NRG1: variants seen among roughly 807,000 people sequenced by gnomAD.
The protein encoded by NRG1 is pro-neuregulin-1, membrane-bound isoform.
A neutral mutation model predicts 63.8 loss-of-function variants in NRG1; 18 were observed. That is an observed-to-expected ratio of 0.28 (90% CI 0.19 to 0.42). NRG1 has a LOEUF of 0.42. NRG1 is among the 10% of genes least tolerant of loss of function. The pLI is 1.00. For missense variants in NRG1, 762 were observed against 814.7 expected (o/e 0.94, Z 0.79); for synonymous variants, 302 against 301.3 (o/e 1.00, Z -0.02).
At chr8:32,634,581 C>T (rs1334957161) in intron 5 of NRG1, among the ~76,000 whole-genome samples, 1 of 152,342 alleles carries the variant, frequency 6.6e-6, no homozygotes. Context: ...AAAAGCTAAA[C>T]TGATCGGAGA....
At chr8:32,488,503 CA>C (rs1407385510) in intron 1 of NRG1, among the ~76,000 whole-genome samples, 36 of 152,164 alleles carry the variant, frequency 2.4e-4, no homozygotes, top group Admixed American at 2.4e-3. Flanking sequence ...AGGCTGGGCA[CA>C]GTGGCTCACA....
chr8:32,769,037 A>C (rs1369428725), downstream of NRG1, among the ~76,000 whole-genome samples: 6 of 152,216 alleles, frequency 3.9e-5, no homozygotes, highest in Non-Finnish European at 8.8e-5. Context: ...TTTAGTTTTC[A>C]TGCACATACA....
At chr8:31,665,553 A>G (rs1158093087) in intron 1 of NRG1, among the ~76,000 whole-genome samples, 2 of 152,236 alleles carry the variant, frequency 1.3e-5, no homozygotes, top group Admixed American at 1.3e-4. Flanking sequence ...GAGCTGCAAA[A>G]GGAATGATTT....
At chr8:32,245,249 C>A (rs1385213943) in intron 1 of NRG1, among the ~76,000 whole-genome samples, 1 of 152,126 alleles carries the variant, frequency 6.6e-6, no homozygotes, top group African/African-American at 2.4e-5. Context: ...AGAGTTCCAA[C>A]AGGAATCTGG....
intron 5 of NRG1, among the ~76,000 whole-genome samples, chr8:32,712,434 G>A (rs1289825771): frequency 6.6e-6 from 1 of 152,070 alleles, no homozygotes; most frequent in African/African-American, 2.4e-5. Flanking sequence ...AAGTGAAGGG[G>A]AATTTAGTAT....
At chr8:32,305,622 C>T (rs957546421) in intron 1 of NRG1, among the ~76,000 whole-genome samples, 6 of 152,320 alleles carry the variant, frequency 3.9e-5, no homozygotes, top group Admixed American at 3.9e-4. Context: ...CTTCACCAGC[C>T]TTGGTTTGCC....
exon 1 of NRG1, chr8:32,548,732 C>T: frequency 2.5e-6 from 4 of 1,582,648 alleles, no homozygotes; most frequent in Non-Finnish European, 3.4e-6. Flanking sequence ...GCGAGATGTC[C>T]GAGCGCAAAG....
chr8:31,929,196 T>G (rs1699127), intron 1 of NRG1, among the ~76,000 whole-genome samples: 129,128 of 152,146 alleles, frequency 0.85, 55,558 homozygotes, highest in Non-Finnish European at 0.91. Context: ...CTATGACTTT[T>G]CTTATTTATA....
In NRG1 at chr8:31,992,170, TA is replaced by T. The variant is rs565119312; in HGVS notation, c.37+352748del. On this transcript the variant is annotated intron_variant, in intron 1 of 10. Transcript: ENST00000519301. ...AGCAACATAGTGAGATCCCATCTCTTAAAAAAAAATAAAAAATTAGCCAGCT... is the reference window on the plus strand; with the variant it reads ...AGCAACATAGTGAGATCCCATCTCTTAAAAAAAATAAAAAATTAGCCAGCT... Among the ~76,000 whole-genome samples the T allele has an allele frequency of 4.6e-3, 697 of 150,500 alleles. 8 individuals carry two copies. The highest frequency in any genetic ancestry group is 0.016 in the African/African-American group (648 of 41,030).
intron 1 of NRG1, among the ~76,000 whole-genome samples, chr8:32,174,644 G>A (rs192704392): frequency 2.7e-3 from 411 of 152,178 alleles, no homozygotes; most frequent in African/African-American, 9.4e-3. Flanking sequence ...AAATGATAAA[G>A]GGTATATCAC....
In NRG1 at chr8:32,043,268, C is replaced by G. The variant is rs148934409; in HGVS notation, c.37+403837C>G. ...AATTTCTTGTCAAATTTCACAGAAG[C>G]TAAAAAGAAATCAACCAACATTTTT... On this transcript the variant is annotated intron_variant, in intron 1 of 10. Transcript: ENST00000519301. 8.2e-3 allele frequency among the ~76,000 whole-genome samples: 1,243 copies of G among 151,776 alleles called. 19 individuals carry two copies. The highest frequency in any genetic ancestry group is 0.029 in the African/African-American group (1,183 of 41,390).
rs28575110 is a variant in NRG1, at chr8:31,927,727, C to T, written c.37+288296C>T. Among the ~76,000 whole-genome samples the T allele has an allele frequency of 3.7e-4, 56 of 150,310 alleles. 1 individual carries two copies. The East Asian group carries it at 8.9e-3, about 24-fold the overall frequency. On this transcript the variant is annotated intron_variant, in intron 1 of 10. Coordinates refer to the NRG1 transcript ENST00000519301. ...CCTCCCAAAGTGCTGGGATTACAGG[C>T]GTGAGCCACCGCGCCCGGCCTACTT...
intron 1 of NRG1, among the ~76,000 whole-genome samples, chr8:32,072,438 C>T (rs115519469): frequency 6.6e-6 from 1 of 152,064 alleles, no homozygotes; most frequent in Non-Finnish European, 1.5e-5. Flanking sequence ...AACTCCATGT[C>T]TCCAAAAGAT....
chr8:31,716,957 A>G (rs1376741822), intron 1 of NRG1, among the ~76,000 whole-genome samples: 1 of 152,268 alleles, frequency 6.6e-6, no homozygotes, highest in African/African-American at 2.4e-5. Flanking sequence ...GAACAGTGAA[A>G]ATACTTCCTC....
rs557966101 is a variant in NRG1 at position 32,147,368 on chromosome 8, A to G, written c.38-448460A>G. Among the ~76,000 whole-genome samples the G allele has an allele frequency of 2.0e-5, 3 of 152,366 alleles. No homozygotes were observed. In the East Asian group the frequency reaches 5.8e-4, roughly 29 times the overall value. ...ATTGGAAACAATCTAAATAAATGTC[A>G]ATACAGGAATAGTTTAATTGCATAT... On this transcript the variant is annotated intron_variant, in intron 1 of 10. Transcript: ENST00000519301.
intron 1 of NRG1, among the ~76,000 whole-genome samples, chr8:32,476,976 C>T (rs1318499517): frequency 1.3e-5 from 2 of 152,024 alleles, no homozygotes; most frequent in Admixed American, 6.6e-5. Context: ...CAAGGGCTGA[C>T]GAGCTGGGAG....
chr8:32,679,104 A>T (rs1404482413), intron 5 of NRG1, among the ~76,000 whole-genome samples: 4 of 152,088 alleles, frequency 2.6e-5, no homozygotes, highest in Non-Finnish European at 5.9e-5. Flanking sequence ...CCAGCCTGGA[A>T]AATATAGCAA....
chr8:32,394,329 T>G (rs1189022517), intron 1 of NRG1, among the ~76,000 whole-genome samples: 2 of 152,208 alleles, frequency 1.3e-5, no homozygotes, highest in African/African-American at 4.8e-5. Flanking sequence ...GTTATAATTC[T>G]TTCCTGTTAT....
chr8:32,476,154 A>T (rs1019943276), intron 1 of NRG1, among the ~76,000 whole-genome samples: 1 of 152,190 alleles, frequency 6.6e-6, no homozygotes, highest in Admixed American at 6.5e-5. Context: ...AAAATTGGGG[A>T]AAAAAGGAAA....
Sources: gnomAD v4.1 joint callset for allele counts (sites outside exome capture counted in the v4.1 genomes callset) on GRCh38, gnomAD v4.1.1 for gene constraint, MANE v1.5 for transcripts, NCBI Gene and HGNC (gene_info 2026-07-23, HGNC 2026-07-21) for gene names.